Variants in DCDC1 observed in about 807,000 individuals in gnomAD.
The protein encoded by DCDC1 is doublecortin domain-containing protein 1.
Under a neutral mutation model 178.3 loss-of-function variants are expected in DCDC1, and 200 were observed. The observed-to-expected ratio is 1.12, with a 90% CI of 1.00 to 1.26. DCDC1 has a LOEUF of 1.26. Among genes scored for constraint, DCDC1 ranks in the 50% most tolerant of loss-of-function variants. The pLI, the probability that DCDC1 is intolerant of heterozygous loss-of-function variation, is 0.00. For missense variants in DCDC1, 1,983 were observed against 1,749.2 expected (o/e 1.13, Z -2.38); for synonymous variants, 690 against 604.8 (o/e 1.14, Z -2.07).
chr11:31,298,779 A>G (rs1411976883), intron 6 of DCDC1, among the ~76,000 whole-genome samples: 1 of 152,244 alleles, frequency 6.6e-6, no homozygotes, highest in Non-Finnish European at 1.5e-5. Context: ...TGCTCCTAAC[A>G]TTATAATTTT....
intron 9 of DCDC1, among the ~76,000 whole-genome samples, chr11:31,214,901 A>G (rs1009842157): frequency 6.6e-6 from 1 of 151,838 alleles, no homozygotes; most frequent in African/African-American, 2.4e-5. Flanking sequence ...TACTATAAAA[A>G]CTTCCATAAT....
intron 9 of DCDC1, among the ~76,000 whole-genome samples, chr11:31,207,346 CAT>C (rs1971975166): frequency 6.6e-6 from 1 of 152,152 alleles, no homozygotes; most frequent in African/African-American, 2.4e-5. Context: ...ACATACAAGA[CAT>C]AAAACCAAGT....
chr11:30,951,341 C>A (rs920611542), intron 21 of DCDC1, among the ~76,000 whole-genome samples: 3 of 152,076 alleles, frequency 2.0e-5, no homozygotes, highest in Non-Finnish European at 2.9e-5. Context: ...GATGTATTTG[C>A]TTTGCTATGT....
At chr11:31,181,666 T>C (rs188334427) in intron 9 of DCDC1, among the ~76,000 whole-genome samples, 2 of 152,142 alleles carry the variant, frequency 1.3e-5, no homozygotes, top group African/African-American at 4.8e-5. Flanking sequence ...AAAGAAATAG[T>C]ATCAACATCA....
Position 30,911,389 on chromosome 11 carries a change from C to A in DCDC1, c.3685G>T (p.Val1229Leu). 6.2e-7 allele frequency: 1 copy of A among 1,604,202 alleles called. No individual in the cohort carries two copies. Among genetic ancestry groups the A allele is most frequent in the Non-Finnish European group, 8.5e-7 (1 of 1,175,152 alleles). ...GTCTTGGTCATAGACACTGCCAGCA[C>A]AAGGTCAGGGTTACTCACAAGGTGA... ...TFHLVSNPDLVLAVSMTKTRN... is the reference protein window; with the variant it reads ...TFHLVSNPDLLLAVSMTKTRN... The change falls in exon 28 of 39, where the codon GTG (valine) becomes TTG (leucine). Residue 1229 changes from valine to leucine, a missense_variant. Coordinates refer to ENST00000684477, the MANE Select transcript of DCDC1 (RefSeq NM_001387274.1).
intron 9 of DCDC1, among the ~76,000 whole-genome samples, chr11:31,225,497 C>T (rs1974814315): frequency 1.3e-5 from 2 of 151,284 alleles, no homozygotes; most frequent in Non-Finnish European, 3.0e-5. Context: ...CAAAAGCTAC[C>T]TTTTCCCCAA....
At chr11:31,344,032 T>C (rs1950687947) in intron 1 of DCDC1, among the ~76,000 whole-genome samples, 1 of 152,198 alleles carries the variant, frequency 6.6e-6, no homozygotes, top group Non-Finnish European at 1.5e-5. Context: ...GAAATATTTC[T>C]TCTGTAATGT....
intron 20 of DCDC1, among the ~76,000 whole-genome samples, chr11:31,011,037 T>C (rs1344205984): frequency 2.0e-5 from 3 of 152,158 alleles, no homozygotes; most frequent in East Asian, 1.9e-4. Flanking sequence ...AAATATGATA[T>C]ATGACAGAGG....
Position 30,905,140 on chromosome 11 carries a change from C to T in DCDC1, c.4129G>A (p.Glu1377Lys). Residue 1377 changes from glutamate to lysine, a missense_variant, in exon 31 of 39, where the codon GAA becomes AAA. By Grantham distance (56) the Glu-to-Lys change is moderately conservative. Coordinates refer to ENST00000684477, the MANE Select transcript of DCDC1 (RefSeq NM_001387274.1). ...AEVDLSCDKAEKTLSYYQARL... is the reference protein window; with the variant it reads ...AEVDLSCDKAKKTLSYYQARL... ...GCTTGGTAGTAACTTAGAGTTTTTT[C>T]AGCCTTGTCACACGACAAATCAACC... 1 of 1,606,910 alleles carries T rather than the reference C, an allele frequency of 6.2e-7. No homozygotes were observed.
Position 31,103,692 on chromosome 11 carries a change from T to C in DCDC1, c.1829A>G (p.Tyr610Cys), listed in dbSNP as rs1393373134. 4 of 765,770 alleles carry C rather than the reference T, an allele frequency of 5.2e-6. No individual in the cohort carries two copies. Among genetic ancestry groups the C allele is most frequent in the Non-Finnish European group, 7.2e-6 (3 of 417,668 alleles). 47.4% of individuals were successfully genotyped at this position (765,770 alleles called of 1,614,324 possible). A position where few individuals can be genotyped will look rare whatever the true frequency, so the allele number is the denominator to read the frequency against. ...AGCATTAGGATCCAAAAAGGTCTTATATGCAACCATGATATCACCTCTGGC... is the reference window on the plus strand; with the variant it reads ...AGCATTAGGATCCAAAAAGGTCTTACATGCAACCATGATATCACCTCTGGC... The part of the protein sequence containing the change: ...AFARGDIMVA[Y>C]KTFLDPNAVL... The change falls in exon 14 of 39, where the codon TAT becomes TGT. Residue 610 changes from tyrosine (Y) to cysteine (C), a missense_variant. Physicochemically the swap from Tyr to Cys is radical, Grantham distance 194 (BLOSUM62 -2). Transcript: ENST00000684477.
chr11:31,334,883 G>A (rs1476931623), intron 2 of DCDC1, among the ~76,000 whole-genome samples: 1 of 152,218 alleles, frequency 6.6e-6, no homozygotes. Flanking sequence ...GAGGCAGTCT[G>A]TCCATTCTCT....
intron 11 of DCDC1, among the ~76,000 whole-genome samples, chr11:31,113,853 G>A (rs1959409531): frequency 6.6e-6 from 1 of 152,084 alleles, no homozygotes. Flanking sequence ...TTCATTAAAA[G>A]TTTTAGGATT....
intron 11 of DCDC1, among the ~76,000 whole-genome samples, chr11:31,110,591 C>A (rs1959141384): frequency 6.6e-6 from 1 of 152,072 alleles, no homozygotes; most frequent in South Asian, 2.1e-4. Flanking sequence ...GCTCCTGCTT[C>A]TCCTTTTGGT....
chr11:31,006,726 A>C (rs930145748), intron 20 of DCDC1, among the ~76,000 whole-genome samples: 2 of 152,224 alleles, frequency 1.3e-5, no homozygotes, highest in Admixed American at 6.5e-5. Flanking sequence ...TCTAACTAAC[A>C]ATAATGCAAT....
chr11:31,286,325 G>A (rs898607366), intron 7 of DCDC1, among the ~76,000 whole-genome samples: 3 of 151,914 alleles, frequency 2.0e-5, no homozygotes, highest in African/African-American at 7.2e-5. Flanking sequence ...TCCAGGTAAC[G>A]GAGGAAAAGT....
intron 11 of DCDC1, among the ~76,000 whole-genome samples, chr11:31,123,909 A>C (rs2135908451): frequency 6.6e-6 from 1 of 152,242 alleles, no homozygotes; most frequent in South Asian, 2.1e-4. Context: ...ATTAAAATTA[A>C]AATTTAAGTA....
At chr11:30,931,983 T>C in intron 21 of DCDC1, 31 bp from the exon 22 acceptor site, 1 of 1,575,616 alleles carries the variant, frequency 6.3e-7, no homozygotes, top group South Asian at 1.2e-5. Flanking sequence ...AACATAATAA[T>C]AAATACAGAA....
intron 10 of DCDC1, among the ~76,000 whole-genome samples, chr11:31,133,857 G>C (rs960534014): frequency 6.6e-6 from 1 of 151,950 alleles, no homozygotes; most frequent in African/African-American, 2.4e-5. Context: ...GCATGCACCA[G>C]CATGCTCAGC....
Position 31,082,773 on chromosome 11 carries a change from T to C in DCDC1, c.2238-4848A>G, listed in dbSNP as rs1957265001. On this transcript the variant is annotated intron_variant, in intron 17 of 38. Transcript: ENST00000684477. ...ATTTCCTGGTAACTATATGGAGGGC[T>C]ATTATCATGCTTCAGGATCACAAGT... Among the ~76,000 whole-genome samples the C allele has an allele frequency of 2.6e-5, 4 of 152,296 alleles. 1 individual carries two copies. In the South Asian group the frequency reaches 8.3e-4, roughly 32 times the overall value.
Sources: allele counts gnomAD v4.1 joint callset (sites outside exome capture counted in the v4.1 genomes callset), GRCh38; gene constraint gnomAD v4.1.1; transcripts MANE v1.5; gene names NCBI Gene and HGNC (gene_info 2026-07-23, HGNC 2026-07-21).